MYBPC2: variants seen among roughly 807,000 people sequenced by gnomAD.
MYBPC2 encodes myosin binding protein C2, also known as myosin-binding protein C, fast-type.
MYBPC2 carries 122 observed loss-of-function variants against 137.0 expected under a neutral mutation model. That is an observed-to-expected ratio of 0.89 (90% CI 0.77 to 1.03). The LOEUF (loss-of-function observed/expected upper bound fraction) is 1.03. Among genes scored for constraint, MYBPC2 ranks in the 50% least tolerant of loss-of-function variants. MYBPC2 has a pLI of 0.00. For missense variants in MYBPC2, 1,500 were observed against 1,534.4 expected, an observed-to-expected ratio of 0.98 and a Z score of 0.37; for synonymous variants, 626 against 612.3, an observed-to-expected ratio of 1.02 and a Z score of -0.33.
At chr19:50,434,871 G>C (rs139781214) in intron 1 of MYBPC2, among the ~76,000 whole-genome samples, 1 of 152,198 alleles carries the variant, frequency 6.6e-6, no homozygotes, top group Non-Finnish European at 1.5e-5. Context: ...AAAGGTCAGG[G>C]CGTGGTGGCC....
chr19:50,453,979 G>T, intron 16 of MYBPC2, 41 bp from the exon 17 acceptor site: 2 of 1,550,202 alleles, frequency 1.3e-6, no homozygotes, highest in South Asian at 1.2e-5. Context: ...GTTTGCTTGG[G>T]GACACGATGG....
In MYBPC2 at chr19:50,432,969, C is replaced by T. The variant is rs1395190045; in HGVS notation, c.16C>T (p.Pro6Ser). 2.6e-5 allele frequency: 41 copies of T among 1,600,192 alleles called. No homozygotes were observed. Among genetic ancestry groups the T allele is most frequent in the Non-Finnish European group, 3.3e-5 (39 of 1,174,784 alleles). The change falls in exon 1 of 28, where the codon CCA becomes TCA. Residue 6 changes from proline to serine, a missense_variant. Coordinates refer to ENST00000357701, the MANE Select transcript of MYBPC2 (RefSeq NM_004533.4). This position sits in a 1 kb window ranked among gnomAD's most constrained non-coding sequence, Gnocchi z 5.5. Reference protein sequence around the residue: MPEAKPAAKKAPKGKD... With the variant: MPEAKSAAKKAPKGKD... ...GTCCCCCGACATGCCTGAGGCAAAA[C>T]CAGGTGGCGCCAGGACCCCCTCCCT...
chr19:50,446,456 T>C (rs943421897), intron 12 of MYBPC2, among the ~76,000 whole-genome samples: 4 of 150,796 alleles, frequency 2.7e-5, no homozygotes, highest in Non-Finnish European at 5.9e-5. Flanking sequence ...GAGGTTGCAA[T>C]GAGCTGAGAT....
At chr19:50,436,289 G>A (rs2039703118) in intron 4 of MYBPC2, 129 bp downstream of exon 4, 3 of 1,395,990 alleles carry the variant, frequency 2.1e-6, no homozygotes, top group Non-Finnish European at 1.9e-6. Context: ...GGCCCTCTGA[G>A]GATGGAGGTT....
chr19:50,446,125 CCCCAG>C, intron 12 of MYBPC2, 73 bp downstream of exon 12: 1 of 1,503,290 alleles, frequency 6.7e-7, no homozygotes, highest in Non-Finnish European at 9.0e-7. Context: ...TGCTCAGGCC[CCCCAG>C]TCTGGAAGTT....
rs1162839559 is a variant in MYBPC2 at position 50,436,727 on chromosome 19, T to G, written c.456T>G (p.Asp152Glu). 6.2e-7 allele frequency: 1 copy of G among 1,613,340 alleles called. No homozygotes were observed. Among genetic ancestry groups the G allele is most frequent in the Non-Finnish European group, 8.5e-7 (1 of 1,179,598 alleles). ...DTCDSCGFNI[D>E]VEAPRQDASG... ...GTGACAGCTGTGGCTTCAACATCGA[T>G]GTGGAGGGTATGCTGGTGGGGGATG... Residue 152 changes from aspartate to glutamate, a missense_variant, in exon 5 of 28, where the codon GAT becomes GAG. Coordinates refer to ENST00000357701, the MANE Select transcript of MYBPC2 (RefSeq NM_004533.4).
intron 20 of MYBPC2, among the ~76,000 whole-genome samples, chr19:50,456,389 C>T (rs1469135490): frequency 6.7e-6 from 1 of 148,168 alleles, no homozygotes; most frequent in Non-Finnish European, 1.5e-5. Flanking sequence ...TCCATCCATC[C>T]ATCCATCCAT....
At position 50,450,822 on chromosome 19, in the gene MYBPC2, C is replaced by A. The variant is rs1041218144; in HGVS notation, c.1473-7C>A. 3 of 1,559,076 alleles carry A rather than the reference C, an allele frequency of 1.9e-6. No individual in the cohort carries two copies. The highest frequency in any genetic ancestry group is 1.7e-4 in the Middle Eastern group (1 of 6,000). On this transcript the variant is annotated splice_region_variant and splice_polypyrimidine_tract_variant and intron_variant, in intron 13 of 27. Coordinates refer to ENST00000357701, the MANE Select transcript of MYBPC2 (RefSeq NM_004533.4). ...TTCGAGCCCTACCCTGCTCCCCCAC[C>A]CCTTAGGTTCCACAAGCTGGTGATC...
At position 50,458,598 on chromosome 19, in the gene MYBPC2, G is replaced by T; in HGVS notation, c.2350G>T (p.Val784Phe). 1.2e-6 allele frequency: 2 copies of T among 1,612,138 alleles called. No homozygotes were observed. Among genetic ancestry groups the T allele is most frequent in the Non-Finnish European group, 1.7e-6 (2 of 1,179,866 alleles). ...EYCLEGSEEW[V>F]PANTEPVERC... ...GCCTCTCTCTCCAGCCGAGGAATGG[G>T]TCCCTGCCAACACCGAGCCCGTGGA... The change falls in exon 21 of 28, where the codon GTC becomes TTC. Residue 784 changes from valine (V) to phenylalanine (F), a missense_variant. Coordinates refer to ENST00000357701, the MANE Select transcript of MYBPC2 (RefSeq NM_004533.4).
At chr19:50,457,442 C>T (rs1280486602) in intron 20 of MYBPC2, among the ~76,000 whole-genome samples, 5 of 152,216 alleles carry the variant, frequency 3.3e-5, no homozygotes, top group Non-Finnish European at 7.3e-5. Context: ...CCTTCCCAGA[C>T]ACCCACCTGG....
intron 23 of MYBPC2, 91 bp downstream of exon 23, chr19:50,459,397 A>T: frequency 3.5e-5 from 18 of 519,780 alleles, no homozygotes; most frequent in Non-Finnish European, 4.2e-5. Flanking sequence ...GTGGGGAAGG[A>T]GGTGGGAGAT....
At position 50,455,273 on chromosome 19, in the gene MYBPC2, A is replaced by G; in HGVS notation, c.2180A>G (p.Asn727Ser). The G allele has an allele frequency of 6.2e-7, 1 of 1,613,762 alleles. No individual in the cohort carries two copies. Among genetic ancestry groups the G allele is most frequent in the Non-Finnish European group, 8.5e-7 (1 of 1,179,770 alleles). The change falls in exon 19 of 28, where the codon AAC becomes AGC. Residue 727 changes from asparagine (N) to serine (S), a missense_variant. Transcript: ENST00000357701. ...NAIGVSQPSM[N>S]TKPFMPIAPT... is the part of the protein sequence containing the mutation. ...ATAGGGGTCTCCCAGCCCAGCATGA[A>G]CACCAAGCCTTTTATGCCTATTGGT...
At chr19:50,447,726 G>A (rs1244132676) in intron 12 of MYBPC2, among the ~76,000 whole-genome samples, 1 of 152,088 alleles carries the variant, frequency 6.6e-6, no homozygotes, top group African/African-American at 2.4e-5. Context: ...GCGTGGTGGT[G>A]CATGCTAGTA....
intron 18 of MYBPC2, 138 bp downstream of exon 18, chr19:50,454,507 C>A (rs1484878361): frequency 2.8e-6 from 2 of 714,646 alleles, no homozygotes; most frequent in African/African-American, 1.9e-5. Context: ...CTCACTGCAA[C>A]CTCTGCCTCC....
In MYBPC2 at chr19:50,437,521, C is replaced by G; in HGVS notation, c.512C>G (p.Thr171Arg). The G allele has an allele frequency of 1.9e-6, 3 of 1,609,678 alleles. No homozygotes were observed. Among genetic ancestry groups the G allele is most frequent in the Non-Finnish European group, 2.5e-6 (3 of 1,178,102 alleles). Reference sequence around the variant, plus strand: ...CAGAGTCTAGAAAGCTTCAAGCGTACGTAAGTGACCCCAGGCCCTTACCAG... The same window carrying G: ...CAGAGTCTAGAAAGCTTCAAGCGTAGGTAAGTGACCCCAGGCCCTTACCAG... ...SGQSLESFKRTSEKKSDTAGE... is the reference protein window; with the variant it reads ...SGQSLESFKRRSEKKSDTAGE... The change falls in exon 6 of 28, where the codon ACG becomes AGG. Residue 171 changes from threonine (T) to arginine (R), a missense_variant and splice_region_variant. Physicochemically the swap from Thr to Arg is moderately conservative, Grantham distance 71 (BLOSUM62 -1). Transcript: ENST00000357701.
Position 50,440,866 on chromosome 19 carries a change from C to T in MYBPC2, c.573-14C>T, listed in dbSNP as rs778348755. The T allele has an allele frequency of 2.5e-6, 4 of 1,607,034 alleles. No homozygotes were observed. The East Asian group carries it at 8.9e-5, about 36-fold the overall frequency. On this transcript the variant is annotated splice_polypyrimidine_tract_variant and intron_variant, in intron 7 of 27. Transcript: ENST00000357701. Reference sequence around the variant, plus strand: ...CACTCCCTGATGGCCCCTGTCCGTTCCCCCACCCGCCAGGGAGGTGGTGGA... The same window carrying T: ...CACTCCCTGATGGCCCCTGTCCGTTTCCCCACCCGCCAGGGAGGTGGTGGA...
rs752111099 is a variant in MYBPC2 at position 50,454,274 on chromosome 19, A to AC, written c.1925dup (p.Glu643GlyfsTer49). The AC allele has an allele frequency of 3.1e-6, 5 of 1,612,860 alleles. No homozygotes were observed. Among genetic ancestry groups the AC allele is most frequent in the East Asian group, 2.2e-5 (1 of 44,822 alleles). On this transcript the variant is annotated frameshift_variant, in exon 18 of 28. Coordinates refer to ENST00000357701, the MANE Select transcript of MYBPC2 (RefSeq NM_004533.4). LOFTEE classifies it high-confidence loss of function. ...CTCCTGCCCCCTGCAGATGTCCCAG[A>AC]CCCCCCGGAGGCTGTGCGCATCACC...
chr19:50,435,746 C>T lies in MYBPC2; in HGVS notation c.110-30C>T. The stretch of plus-strand genomic sequence containing the variant: ...GTCCCCTCCCCAGCCTATCTCAGAC[C>T]TCCTCATCCTAATCCTGTCCCCTGA... On this transcript the variant is annotated intron_variant, in intron 2 of 27. Transcript: ENST00000357701. The surrounding 1 kb of genome is among the most constrained non-coding windows in gnomAD (Gnocchi z 4.8). 3.2e-6 allele frequency: 5 copies of T among 1,566,274 alleles called. No homozygotes were observed. The highest frequency in any genetic ancestry group is 4.4e-6 in the Non-Finnish European group (5 of 1,147,880).
chr19:50,446,126 C>G, intron 12 of MYBPC2, 74 bp downstream of exon 12: 1 of 1,501,694 alleles, frequency 6.7e-7, no homozygotes, highest in Non-Finnish European at 9.0e-7. Flanking sequence ...GCTCAGGCCC[C>G]CCAGTCTGGA....
Sources: gnomAD v4.1 joint callset for allele counts (sites outside exome capture counted in the v4.1 genomes callset) on GRCh38, gnomAD v4.1.1 for gene constraint, Gnocchi (gnomAD v3.1) non-coding constraint, MANE v1.5 for transcripts, NCBI Gene and HGNC (gene_info 2026-07-23, HGNC 2026-07-21) for gene names.